Variants in NFIA observed in about 807,000 individuals in gnomAD.
NFIA encodes nuclear factor I A.
In NFIA, 8 loss-of-function variants were observed where a neutral mutation model predicts 62.8. The ratio of observed to expected loss-of-function variants is 0.13; its 90% CI spans 0.07 to 0.23. The LOEUF is 0.23. Ranked by LOEUF, NFIA falls within the 10% of genes least tolerant of loss-of-function variation. NFIA has a pLI of 1.00. For synonymous variants in NFIA, 235 were observed against 238.1 expected (o/e 0.99, Z 0.12); for missense variants, 410 against 642.1 (o/e 0.64, Z 3.91).
intron 4 of NFIA, among the ~76,000 whole-genome samples, chr1:61,334,845 AC>A (rs1661514901): frequency 6.6e-6 from 1 of 150,976 alleles, no homozygotes; most frequent in African/African-American, 2.4e-5. Flanking sequence ...GTACAGAATC[AC>A]CCCCAGCCTC....
intron 7 of NFIA, among the ~76,000 whole-genome samples, chr1:61,400,183 T>C (rs1665481892): frequency 1.3e-5 from 2 of 152,246 alleles, no homozygotes; most frequent in Admixed American, 1.3e-4. Flanking sequence ...TATTACACCC[T>C]TTGGGAAATT....
At chr1:61,296,347 CT>C (rs1403410396) in intron 3 of NFIA, among the ~76,000 whole-genome samples, 9 of 152,148 alleles carry the variant, frequency 5.9e-5, no homozygotes, top group Admixed American at 5.9e-4. Context: ...TGAGTATGTT[CT>C]CCCCATTGAC....
chr1:61,367,019 CA>C (rs1663626485), intron 6 of NFIA, among the ~76,000 whole-genome samples: 1 of 152,156 alleles, frequency 6.6e-6, no homozygotes, highest in Non-Finnish European at 1.5e-5. Context: ...AGGCATCTGT[CA>C]AAGAATATTT....
At chr1:61,085,751 C>T (rs1174649763) in intron 1 of NFIA, among the ~76,000 whole-genome samples, 3 of 152,076 alleles carry the variant, frequency 2.0e-5, no homozygotes, top group East Asian at 1.9e-4. Flanking sequence ...CTTTTACTGG[C>T]AGGTTCTTAA....
chr1:61,293,992 G>A (rs1659046057), intron 3 of NFIA, among the ~76,000 whole-genome samples: 1 of 152,196 alleles, frequency 6.6e-6, no homozygotes, highest in African/African-American at 2.4e-5. Flanking sequence ...AAGTCCATTT[G>A]TTGAGTTTAA....
chr1:61,321,060 T>G (rs575476614), intron 3 of NFIA, among the ~76,000 whole-genome samples: 3 of 152,288 alleles, frequency 2.0e-5, no homozygotes, highest in African/African-American at 7.2e-5. Flanking sequence ...AAAAACCTCT[T>G]TAATTCAAAA....
In NFIA at chr1:61,443,802, A is replaced by C. The variant is rs555970305; in HGVS notation, c.1513-11501A>C. On this transcript the variant is annotated intron_variant, in intron 10 of 10. Transcript: ENST00000403491. Reference sequence around the variant, plus strand: ...CTTTCCATTTCTGCCCATGAAGATGATGGCTGCTTTCTCTGAACTCCTTGA... The same window carrying C: ...CTTTCCATTTCTGCCCATGAAGATGCTGGCTGCTTTCTCTGAACTCCTTGA... 4.6e-5 allele frequency among the ~76,000 whole-genome samples: 7 copies of C among 152,264 alleles called. No homozygotes were observed. The East Asian group carries it at 1.4e-3, about 29-fold the overall frequency.
intron 2 of NFIA, among the ~76,000 whole-genome samples, chr1:61,142,595 T>A (rs1424319540): frequency 6.6e-6 from 1 of 152,198 alleles, no homozygotes; most frequent in Non-Finnish European, 1.5e-5. Flanking sequence ...ACATTATGAA[T>A]GAACACAGGA....
intron 3 of NFIA, among the ~76,000 whole-genome samples, chr1:61,328,529 T>A (rs1661090276): frequency 6.6e-6 from 1 of 152,060 alleles, no homozygotes; most frequent in African/African-American, 2.4e-5. Flanking sequence ...CAAGTGATTC[T>A]CCTGCCTCAG....
chr1:61,263,921 C>A (rs1026435375), intron 2 of NFIA, among the ~76,000 whole-genome samples: 1 of 151,822 alleles, frequency 6.6e-6, no homozygotes, highest in Non-Finnish European at 1.5e-5. Flanking sequence ...ACCCGGGAGG[C>A]AGAGGTTGCA....
rs190169109 is a variant in NFIA at position 61,229,097 on chromosome 1, T to C, written c.560-48423T>C. Among the ~76,000 whole-genome samples, 63 of 151,992 alleles carry C rather than the reference T, an allele frequency of 4.1e-4. 2 individuals carry two copies. Among genetic ancestry groups the C allele is most frequent in the Admixed American group, 4.1e-3 (63 of 15,272 alleles). ...GGAAATAAATATGTTTCATCTGAATTGTCTGAAGTAAGTCATGAATGGAGT... is the reference window on the plus strand; with the variant it reads ...GGAAATAAATATGTTTCATCTGAATCGTCTGAAGTAAGTCATGAATGGAGT... On this transcript the variant is annotated intron_variant, in intron 2 of 10. Transcript: ENST00000403491.
chr1:61,313,957 T>A lies in NFIA; in HGVS notation c.626-18555T>A, dbSNP rs79143722. Reference sequence around the variant, plus strand: ...TGTAAAATGAAATTATAATATGTAATAGCACCTACCTCATAACACTTTGAA... The same window carrying A: ...TGTAAAATGAAATTATAATATGTAAAAGCACCTACCTCATAACACTTTGAA... On this transcript the variant is annotated intron_variant, in intron 3 of 10. Coordinates refer to ENST00000403491, the MANE Select transcript of NFIA (RefSeq NM_001134673.4). Among the ~76,000 whole-genome samples the A allele has an allele frequency of 8.1e-3, 1,228 of 152,282 alleles. 16 individuals carry two copies. Among genetic ancestry groups the A allele is most frequent in the African/African-American group, 0.028 (1,171 of 41,556 alleles).
intron 2 of NFIA, among the ~76,000 whole-genome samples, chr1:61,273,499 T>G (rs1355951371): frequency 6.6e-6 from 1 of 152,196 alleles, no homozygotes; most frequent in Middle Eastern, 3.2e-3. Context: ...TCCTTTCTCA[T>G]CTTAGAAGTC....
chr1:61,183,965 C>T (rs894057098), intron 2 of NFIA, among the ~76,000 whole-genome samples: 1 of 151,970 alleles, frequency 6.6e-6, no homozygotes, highest in Admixed American at 6.6e-5. Flanking sequence ...TCCTTTAATT[C>T]CTCTTGGAAA....
chr1:61,402,050 T>C (rs1443223053), intron 7 of NFIA, among the ~76,000 whole-genome samples: 1 of 144,426 alleles, frequency 6.9e-6, no homozygotes, highest in Admixed American at 6.8e-5. Context: ...TTTTTTTTTT[T>C]TTTTTGAGAC....
chr1:61,303,921 G>A (rs1305896816), intron 3 of NFIA, among the ~76,000 whole-genome samples: 2 of 152,176 alleles, frequency 1.3e-5, no homozygotes, highest in African/African-American at 2.4e-5. Flanking sequence ...CACTGTAGGA[G>A]ACAAGGGCAG....
At chr1:61,181,842 A>T (rs1650783087) in intron 2 of NFIA, among the ~76,000 whole-genome samples, 1 of 152,234 alleles carries the variant, frequency 6.6e-6, no homozygotes, top group African/African-American at 2.4e-5. Context: ...ATATAAACAA[A>T]TAAAAGTGGT....
At chr1:61,202,294 G>A (rs1222821248) in intron 2 of NFIA, among the ~76,000 whole-genome samples, 1 of 152,142 alleles carries the variant, frequency 6.6e-6, no homozygotes, top group African/African-American at 2.4e-5. Flanking sequence ...GAAGGAGGAT[G>A]GAATACAGGC....
chr1:61,218,491 A>G (rs1374471659), intron 2 of NFIA, among the ~76,000 whole-genome samples: 1 of 152,214 alleles, frequency 6.6e-6, no homozygotes, highest in Non-Finnish European at 1.5e-5. Flanking sequence ...TTCTGTATCC[A>G]TGGATTCAAT....
Sources: gnomAD v4.1 joint callset for allele counts (sites outside exome capture counted in the v4.1 genomes callset) on GRCh38, gnomAD v4.1.1 for gene constraint, MANE v1.5 for transcripts, NCBI Gene and HGNC (gene_info 2026-07-23, HGNC 2026-07-21) for gene names.